Variants in PLOD1 observed in about 807,000 individuals in gnomAD.
The protein encoded by PLOD1 is procollagen-lysine,2-oxoglutarate 5-dioxygenase 1.
In PLOD1, 70 loss-of-function variants were observed where a neutral mutation model predicts 94.7. The ratio of observed to expected loss-of-function variants is 0.74; its 90% CI spans 0.61 to 0.90. The LOEUF (loss-of-function observed/expected upper bound fraction) is 0.90, where lower values mean the gene tolerates loss of function less well. Among genes scored for constraint, PLOD1 ranks in the 40% least tolerant of loss-of-function variants. The pLI, the probability that PLOD1 is intolerant of heterozygous loss-of-function variation, is 0.00. For missense variants in PLOD1, 905 were observed against 972.7 expected (o/e 0.93, Z 0.93); for synonymous variants, 417 against 400.2 (o/e 1.04, Z -0.50).
intron 1 of PLOD1, among the ~76,000 whole-genome samples, chr1:11,947,074 G>C (rs982678791): frequency 1.3e-5 from 2 of 152,028 alleles, no homozygotes; most frequent in African/African-American, 4.8e-5. Flanking sequence ...TTTGAGACCA[G>C]CCTGGCCAAC....
intron 1 of PLOD1, among the ~76,000 whole-genome samples, chr1:11,937,055 T>C (rs1448834972): frequency 6.7e-6 from 1 of 149,310 alleles, no homozygotes; most frequent in African/African-American, 2.5e-5. Context: ...ACCATGTTGG[T>C]CAGGCTGGTT....
chr1:11,968,840 T>TC (rs1200161776), intron 16 of PLOD1, among the ~76,000 whole-genome samples: 1 of 119,562 alleles, frequency 8.4e-6, no homozygotes, highest in East Asian at 2.4e-4. Flanking sequence ...TTCTACGTCC[T>TC]TTTTTTTTTT....
At chr1:11,961,213 A>C (rs533665610) in intron 10 of PLOD1, among the ~76,000 whole-genome samples, 10 of 128,004 alleles carry the variant, frequency 7.8e-5, no homozygotes, top group African/African-American at 2.9e-4. Flanking sequence ...GCGAGACCCT[A>C]TCTCTTCAAA....
intron 18 of PLOD1, 81 bp downstream of exon 18, chr1:11,973,078 A>C: frequency 6.5e-7 from 1 of 1,546,716 alleles, no homozygotes; most frequent in Admixed American, 1.7e-5. Context: ...AGGGTGGTTG[A>C]GGCAGAGGGG....
At chr1:11,964,451 AG>A (rs1645801462) in intron 12 of PLOD1, 151 bp downstream of exon 12, 2 of 982,400 alleles carry the variant, frequency 2.0e-6, no homozygotes, top group Admixed American at 1.8e-5. Context: ...GACACACAGA[AG>A]GACTTCCTGA....
chr1:11,939,971 C>T (rs1012058899), intron 1 of PLOD1, among the ~76,000 whole-genome samples: 3 of 151,756 alleles, frequency 2.0e-5, no homozygotes, highest in Non-Finnish European at 4.4e-5. Flanking sequence ...ACTGTGTTGC[C>T]CCGGCTGGTC....
rs1282295299 is a variant in PLOD1, at chr1:11,970,766, G to A, written c.1852G>A (p.Glu618Lys). 5 of 1,611,446 alleles carry A rather than the reference G, an allele frequency of 3.1e-6. No individual in the cohort carries two copies. The highest frequency in any genetic ancestry group is 1.7e-5 in the Admixed American group (1 of 59,692). Reference protein sequence around the residue: ...FEREWHKFLLEYIAPMTEKLY... With the variant: ...FEREWHKFLLKYIAPMTEKLY... ...GCGGGAGTGGCACAAATTCCTGCTG[G>A]AGTACATTGCGCCCATGACGGAGAA... is the stretch of plus-strand genomic sequence containing the variant. The change falls in exon 17 of 19, where the codon GAG (glutamate) becomes AAG (lysine). Residue 618 changes from glutamate (E) to lysine (K), a missense_variant. By Grantham distance (56) the Glu-to-Lys change is moderately conservative. Coordinates refer to ENST00000196061, the MANE Select transcript of PLOD1 (RefSeq NM_000302.4).
At chr1:11,967,616 A>ATATATATATATATATATATATATAT (rs35226154) in intron 16 of PLOD1, among the ~76,000 whole-genome samples, 1,027 of 73,920 alleles carry the variant, frequency 0.014, 78 homozygotes, top group South Asian at 0.033. Flanking sequence ...TATATATATA[A>ATATATATATATATATATATATATAT]AAAGAAATAT....
chr1:11,952,893 G>A (rs1356319715), intron 5 of PLOD1, among the ~76,000 whole-genome samples, 158 bp downstream of exon 5: 2 of 152,104 alleles, frequency 1.3e-5, no homozygotes, highest in East Asian at 1.9e-4. Flanking sequence ...CCCAAACAAC[G>A]GATGTGGATT....
At chr1:11,950,221 C>T in intron 3 of PLOD1, 136 bp from the exon 4 acceptor site, 1 of 869,784 alleles carries the variant, frequency 1.1e-6, no homozygotes, top group Non-Finnish European at 1.8e-6. Flanking sequence ...AGGTCCATTT[C>T]CCAGATGGTG....
chr1:11,968,639 G>A lies in PLOD1; in HGVS notation c.1755+1548G>A, dbSNP rs142305701. ...AGCAGTTCTCTTGCCTCAGCCTCCC[G>A]AGTAGCTGGGATTACAGGCGCCTGC... On this transcript the variant is annotated intron_variant, in intron 16 of 18. Transcript: ENST00000196061. 6.4e-3 allele frequency among the ~76,000 whole-genome samples: 941 copies of A among 148,018 alleles called. 9 individuals are homozygous for A. The highest frequency in any genetic ancestry group is 0.022 in the African/African-American group (893 of 40,056).
intron 5 of PLOD1, chr1:11,954,192 AGGTGCG>A: frequency 1.6e-5 from 2 of 124,310 alleles, no homozygotes; most frequent in Non-Finnish European, 3.4e-5. Context: ...AGTAGCGGCC[AGGTGCG>A]GTGGCTCACA....
chr1:11,962,401 C>T (rs1180759218), intron 10 of PLOD1, among the ~76,000 whole-genome samples: 2 of 151,560 alleles, frequency 1.3e-5, no homozygotes, highest in South Asian at 2.1e-4. Context: ...CTTAGCCTCC[C>T]GAGTAGCTGT....
At chr1:11,956,248 G>A (rs1645736960) in intron 6 of PLOD1, among the ~76,000 whole-genome samples, 1 of 152,128 alleles carries the variant, frequency 6.6e-6, no homozygotes, top group African/African-American at 2.4e-5. Context: ...GCTGGGTGTG[G>A]TGGCATGTGC....
chr1:11,960,594 AG>A, intron 9 of PLOD1, 51 bp from the exon 10 acceptor site: 1 of 1,302,004 alleles, frequency 7.7e-7, no homozygotes, highest in Non-Finnish European at 1.1e-6. Flanking sequence ...CCTGGGTGGA[AG>A]CTGTGTCCTC....
In PLOD1 at chr1:11,949,762, T is replaced by C. The variant is rs760584840; in HGVS notation, c.169-11T>C. 3.1e-6 allele frequency: 5 copies of C among 1,613,690 alleles called. No individual in the cohort carries two copies. The highest frequency in any genetic ancestry group is 4.2e-6 in the Non-Finnish European group (5 of 1,179,770). On this transcript the variant is annotated splice_polypyrimidine_tract_variant and intron_variant, in intron 2 of 18. Transcript: ENST00000196061. ...TACCAAAAGCCCGTGTTAAGGGGTG[T>C]TTCTCTCCAGGCGCTTGGCCTAGGG...
intron 1 of PLOD1, among the ~76,000 whole-genome samples, chr1:11,946,956 A>G (rs1232719762): frequency 6.6e-6 from 1 of 152,150 alleles, no homozygotes; most frequent in Non-Finnish European, 1.5e-5. Flanking sequence ...GAGAGGAGGA[A>G]GTGCAAGGCT....
At chr1:11,967,616 A>AAGAAATATATATATATATATATATATAT (rs1553136696) in intron 16 of PLOD1, among the ~76,000 whole-genome samples, 1 of 75,144 alleles carries the variant, frequency 1.3e-5, no homozygotes, top group Non-Finnish European at 2.4e-5. Flanking sequence ...TATATATATA[A>AAGAAATATATATATATATATATATATAT]AAAGAAATAT....
In PLOD1 at chr1:11,974,859, C is replaced by T. The variant is rs781480166; in HGVS notation, c.*51C>T. 6 of 1,593,104 alleles carry T rather than the reference C, an allele frequency of 3.8e-6. No homozygotes were observed. Among genetic ancestry groups the T allele is most frequent in the Non-Finnish European group, 5.2e-6 (6 of 1,161,014 alleles). On this transcript the variant is annotated 3_prime_UTR_variant, in exon 19 of 19. Transcript: ENST00000196061. ...CTTTCTTCTTTGCCGACAACCACTG[C>T]CCAGCAGCCTCTGGGACCTCGGGGT...
Sources: gnomAD v4.1 joint callset for allele counts (sites outside exome capture counted in the v4.1 genomes callset) on GRCh38, gnomAD v4.1.1 for gene constraint, MANE v1.5 for transcripts, NCBI Gene and HGNC (gene_info 2026-07-23, HGNC 2026-07-21) for gene names.